Variants in RTN4RL1 observed in about 807,000 individuals in gnomAD.
RTN4RL1 encodes the protein reticulon 4 receptor like 1.
RTN4RL1 carries 7 observed loss-of-function variants against 25.6 expected under a neutral mutation model. The ratio of observed to expected loss-of-function variants is 0.27; its 90% CI spans 0.16 to 0.51. RTN4RL1 has a LOEUF of 0.51. Among genes scored for constraint, RTN4RL1 ranks in the 20% least tolerant of loss-of-function variants. RTN4RL1 has a pLI of 0.97. For missense variants in RTN4RL1, 500 were observed against 615.6 expected, an observed-to-expected ratio of 0.81 and a Z score of 1.99; for synonymous variants, 297 against 288.2, an observed-to-expected ratio of 1.03 and a Z score of -0.31.
intron 1 of RTN4RL1, among the ~76,000 whole-genome samples, chr17:1,967,916 C>T (rs2066799784): frequency 1.3e-5 from 2 of 152,194 alleles, no homozygotes; most frequent in African/African-American, 4.8e-5. Flanking sequence ...GCTGGGATTA[C>T]AGGCGTGAGC....
intron 1 of RTN4RL1, among the ~76,000 whole-genome samples, chr17:2,017,505 C>T (rs1183360377): frequency 1.3e-5 from 2 of 152,256 alleles, no homozygotes; most frequent in Non-Finnish European, 2.9e-5. Context: ...CTGGGAGCCC[C>T]TGCCCCCACT....
At chr17:1,961,771 T>TAAAAAAAA (rs2066762788) in intron 1 of RTN4RL1, among the ~76,000 whole-genome samples, 1 of 14,572 alleles carries the variant, frequency 6.9e-5, no homozygotes, top group South Asian at 2.1e-3. Flanking sequence ...CCACTAAAAA[T>TAAAAAAAA]ACAAAAAAAA....
intron 1 of RTN4RL1, among the ~76,000 whole-genome samples, chr17:1,981,652 C>T (rs576580879): frequency 6.6e-6 from 1 of 152,324 alleles, no homozygotes; most frequent in East Asian, 1.9e-4. Context: ...GAGCCTGCTC[C>T]AGCCTGAGCT....
intron 1 of RTN4RL1, among the ~76,000 whole-genome samples, chr17:1,985,993 G>T (rs1229147928): frequency 6.6e-6 from 1 of 152,066 alleles, no homozygotes; most frequent in East Asian, 1.9e-4. Context: ...GATGGCCCCA[G>T]CTAAGCAACA....
rs946104079 is a variant in RTN4RL1 at position 1,936,418 on chromosome 17, A to C, written c.*78T>G. On this transcript the variant is annotated 3_prime_UTR_variant, in exon 2 of 2. Coordinates refer to ENST00000331238, the MANE Select transcript of RTN4RL1 (RefSeq NM_178568.4). ...TTTCCTGAAACCCAGCAGATCTTCC[A>C]CTTGTTAAAAAAAGAAGAAAATAAA... The C allele has an allele frequency of 9.6e-6, 14 of 1,459,958 alleles. No homozygotes were observed. The highest frequency in any genetic ancestry group is 1.3e-5 in the Non-Finnish European group (14 of 1,111,782). 90.4% of individuals were successfully genotyped at this position (1,459,958 alleles called of 1,614,324 possible). A position where few individuals can be genotyped will look rare whatever the true frequency, so the allele number is the denominator to read the frequency against.
At position 1,940,304 on chromosome 17, in the gene RTN4RL1, G is replaced by A. The variant is rs1445851626; in HGVS notation, c.14-2496C>T. Reference sequence around the variant, plus strand: ...CAGAGGAATTATGACTTCAGCGGTGGCGGTGGCACAGCTTCAAGGACCCTT... The same window carrying A: ...CAGAGGAATTATGACTTCAGCGGTGACGGTGGCACAGCTTCAAGGACCCTT... On this transcript the variant is annotated intron_variant, in intron 1 of 1. Coordinates refer to ENST00000331238, the MANE Select transcript of RTN4RL1 (RefSeq NM_178568.4). 2.6e-5 allele frequency among the ~76,000 whole-genome samples: 4 copies of A among 152,334 alleles called. No homozygotes were observed. In the East Asian group the frequency reaches 7.7e-4, roughly 29 times the overall value.
chr17:1,992,056 G>C (rs569164455), intron 1 of RTN4RL1, among the ~76,000 whole-genome samples: 44 of 146,700 alleles, frequency 3.0e-4, no homozygotes, highest in African/African-American at 1.1e-3. Flanking sequence ...AGCAAGGGTT[G>C]GACTGCATGC....
intron 1 of RTN4RL1, among the ~76,000 whole-genome samples, chr17:1,962,000 G>GA (rs1275960826): frequency 1.4e-5 from 2 of 145,196 alleles, no homozygotes; most frequent in Non-Finnish European, 3.1e-5. Context: ...AAGAAAAGCA[G>GA]GCCGGGCGTG....
intron 1 of RTN4RL1, among the ~76,000 whole-genome samples, chr17:1,977,071 G>A (rs570385771): frequency 4.5e-4 from 69 of 152,258 alleles, no homozygotes; most frequent in Non-Finnish European, 8.2e-4. Context: ...TTTACAGTTA[G>A]TTTCTGTTTA....
At chr17:2,016,358 G>A (rs2067122905) in intron 1 of RTN4RL1, among the ~76,000 whole-genome samples, 2 of 152,234 alleles carry the variant, frequency 1.3e-5, no homozygotes, top group East Asian at 3.9e-4. Context: ...TCCAGCCTGG[G>A]TGACACAGCA....
At chr17:1,980,024 C>T (rs533336834) in intron 1 of RTN4RL1, among the ~76,000 whole-genome samples, 21 of 152,124 alleles carry the variant, frequency 1.4e-4, no homozygotes, top group Non-Finnish European at 2.4e-4. Context: ...CTTAAAATCC[C>T]AGCACTCCTA....
At chr17:1,956,428 G>A (rs1238303299) in intron 1 of RTN4RL1, among the ~76,000 whole-genome samples, 13 of 151,368 alleles carry the variant, frequency 8.6e-5, no homozygotes, top group African/African-American at 3.2e-4. Flanking sequence ...GAGGACTCAA[G>A]TGGGGGCCTG....
At chr17:1,968,588 G>T (rs1048592872) in intron 1 of RTN4RL1, among the ~76,000 whole-genome samples, 2 of 152,188 alleles carry the variant, frequency 1.3e-5, no homozygotes, top group African/African-American at 2.4e-5. Context: ...CAGGAGCTCA[G>T]CGCACTCAGG....
intron 1 of RTN4RL1, among the ~76,000 whole-genome samples, chr17:1,958,320 C>T (rs1915830397): frequency 6.6e-6 from 1 of 152,246 alleles, no homozygotes; most frequent in South Asian, 2.1e-4. Flanking sequence ...CGCTGCTGCA[C>T]AGAGACCCCT....
intron 1 of RTN4RL1, among the ~76,000 whole-genome samples, chr17:1,974,720 G>A (rs1192633451): frequency 1.3e-5 from 2 of 151,650 alleles, no homozygotes; most frequent in African/African-American, 2.4e-5. Context: ...CTGTGGGGGT[G>A]GGGAGGGGGG....
chr17:1,939,679 T>C (rs1915400899), intron 1 of RTN4RL1, among the ~76,000 whole-genome samples: 1 of 152,238 alleles, frequency 6.6e-6, no homozygotes, highest in African/African-American at 2.4e-5. Context: ...TTTTCCGATG[T>C]GTCCAGCCTG....
At chr17:1,952,816 C>T (rs968803421) in intron 1 of RTN4RL1, among the ~76,000 whole-genome samples, 2 of 151,634 alleles carry the variant, frequency 1.3e-5, no homozygotes, top group South Asian at 2.1e-4. Flanking sequence ...TAAACAGGAG[C>T]ATGTAATCCC....
Position 1,967,328 on chromosome 17 carries a change from G to T in RTN4RL1, c.14-29520C>A, listed in dbSNP as rs375491282. 3.4e-4 allele frequency among the ~76,000 whole-genome samples: 52 copies of T among 152,296 alleles called. No homozygotes were observed. The East Asian group carries it at 5.0e-3, about 15-fold the overall frequency. ...AGCATGGATTCCGCCGGAGGCCAAG[G>T]CTTCTGACAGCTGCCTTCCTGGTCT... On this transcript the variant is annotated intron_variant, in intron 1 of 1. Transcript: ENST00000331238.
chr17:1,943,600 C>T (rs1915481905), intron 1 of RTN4RL1, among the ~76,000 whole-genome samples: 1 of 152,222 alleles, frequency 6.6e-6, no homozygotes. Context: ...TCGATGCTAA[C>T]CCAATGCTCT....
Sources: gnomAD v4.1 joint callset for allele counts (sites outside exome capture counted in the v4.1 genomes callset) on GRCh38, gnomAD v4.1.1 for gene constraint, MANE v1.5 for transcripts, NCBI Gene and HGNC (gene_info 2026-07-23, HGNC 2026-07-21) for gene names.